The following RABL6 variants were observed in gnomAD, a reference collection of about 807,000 sequenced individuals.
RABL6 encodes the protein RAB, member RAS oncogene family like 6.
Under a neutral mutation model 72.9 loss-of-function variants are expected in RABL6, and 28 were observed. The ratio of observed to expected loss-of-function variants is 0.38; its 90% CI spans 0.28 to 0.53. RABL6 has a LOEUF of 0.53. RABL6 is among the 20% of genes least tolerant of loss of function. The pLI is 0.80. For missense variants in RABL6, 1,029 were observed against 1,008.4 expected, an observed-to-expected ratio of 1.02 and a Z score of -0.28; for synonymous variants, 477 against 421.2, an observed-to-expected ratio of 1.13 and a Z score of -1.62.
At chr9:136,839,891 C>T (rs968955484) in intron 13 of RABL6, 26 bp downstream of exon 13, 4 of 1,602,256 alleles carry the variant, frequency 2.5e-6, no homozygotes, top group Non-Finnish European at 3.4e-6. Flanking sequence ...AGAGTGCGGT[C>T]AGCCTGCTGG....
At chr9:136,821,565 G>A in intron 1 of RABL6, 4 of 985,444 alleles carry the variant, frequency 4.1e-6, no homozygotes, top group Non-Finnish European at 4.8e-6. Context: ...ATCTGGGGGG[G>A]ACGGCGGCCG....
intron 1 of RABL6, among the ~76,000 whole-genome samples, chr9:136,820,065 G>A (rs960920263): frequency 2.0e-5 from 3 of 152,038 alleles, no homozygotes; most frequent in Non-Finnish European, 4.4e-5. Flanking sequence ...TAGGCATGGC[G>A]GCTTGCGCCT....
chr9:136,818,279 C>T lies in RABL6; in HGVS notation c.131-5246C>T, dbSNP rs1588351061. Reference sequence around the variant, plus strand: ...TTAGGAGGCTGAGGCAGGAGAATGGCGTGAACCCAGGAGACGGAGCTTGCA... The same window carrying T: ...TTAGGAGGCTGAGGCAGGAGAATGGTGTGAACCCAGGAGACGGAGCTTGCA... On this transcript the variant is annotated intron_variant, in intron 1 of 14. Coordinates refer to ENST00000311502, the MANE Select transcript of RABL6 (RefSeq NM_024718.5). 2.9e-5 allele frequency among the ~76,000 whole-genome samples: 4 copies of T among 140,018 alleles called. No homozygotes were observed. The South Asian group carries it at 7.2e-4, about 25-fold the overall frequency. 91.9% of individuals were successfully genotyped at this position (140,018 alleles called of 152,430 possible).
chr9:136,824,181 G>C lies in RABL6; in HGVS notation c.265+522G>C, dbSNP rs373723805. On this transcript the variant is annotated intron_variant, in intron 2 of 14. Coordinates refer to ENST00000311502, the MANE Select transcript of RABL6 (RefSeq NM_024718.5). ...GGGTGGGCTGGGCCTGGGTAGATGC[G>C]GGAAGGTGGGGGAGGTGACAGCTGT... is the stretch of plus-strand genomic sequence containing the variant. Among the ~76,000 whole-genome samples the C allele has an allele frequency of 4.6e-5, 7 of 152,140 alleles. No individual in the cohort carries two copies. In the East Asian group the frequency reaches 1.3e-3, roughly 29 times the overall value.
rs1439938315 is a variant in RABL6 at position 136,825,772 on chromosome 9, G to GT, written c.266-4dup. 1.2e-6 allele frequency: 2 copies of GT among 1,613,510 alleles called. No individual in the cohort carries two copies. The highest frequency in any genetic ancestry group is 3.3e-5 in the Admixed American group (2 of 60,030). On this transcript the variant is annotated splice_polypyrimidine_tract_variant and splice_region_variant and intron_variant, in intron 2 of 14. Coordinates refer to ENST00000311502, the MANE Select transcript of RABL6 (RefSeq NM_024718.5). The stretch of plus-strand genomic sequence containing the variant: ...GGGCACTAATTTTAGGATTCTCCCT[G>GT]TTTCAGCCACGGATGACATCGTGAA...
chr9:136,837,170 T>C (rs1193543675), intron 8 of RABL6, 176 bp from the exon 9 acceptor site: 1 of 777,736 alleles, frequency 1.3e-6, no homozygotes, highest in African/African-American at 1.7e-5. Context: ...CCACCGTGCC[T>C]GGCTGGCACT....
chr9:136,832,586 C>G, intron 7 of RABL6: 1 of 626,008 alleles, frequency 1.6e-6, no homozygotes, highest in South Asian at 1.8e-5. Context: ...CCCAGGAGCC[C>G]CTCCACCTCT....
chr9:136,839,017 C>T lies in RABL6; in HGVS notation c.1389C>T (p.Pro463=), dbSNP rs1031640913. Residue 463 remains proline, a synonymous_variant, in exon 11 of 15, where the codon CCC becomes CCT. Coordinates refer to ENST00000311502, the MANE Select transcript of RABL6 (RefSeq NM_024718.5). ...GSPPLPAGPV[P]SQDITLSSEE... ...CCCCGCTGCCTGCAGGCCCCGTCCC[C>T]AGTCAAGACATCACTCTTTCGAGTG... The T allele has an allele frequency of 6.2e-7, 1 of 1,612,458 alleles. No individual in the cohort carries two copies. Among genetic ancestry groups the T allele is most frequent in the Non-Finnish European group, 8.5e-7 (1 of 1,179,744 alleles).
At chr9:136,813,762 C>T (rs1298974942) in intron 1 of RABL6, 3 of 197,110 alleles carry the variant, frequency 1.5e-5, no homozygotes, top group South Asian at 1.6e-4. Flanking sequence ...ACTACAGGCA[C>T]CCGTCACCAC....
In RABL6 at chr9:136,840,903, C is replaced by T. The variant is rs2131210801; in HGVS notation, c.*381C>T. 3 of 1,502,168 alleles carry T rather than the reference C, an allele frequency of 2.0e-6. No individual in the cohort carries two copies. The highest frequency in any genetic ancestry group is 5.0e-5 in the East Asian group (2 of 40,264). The allele number at this position is 1,502,168 out of a possible 1,614,324, so 93.1% of individuals were successfully genotyped here. A position where few individuals can be genotyped will look rare whatever the true frequency, so the allele number is the denominator to read the frequency against. ...GGGGTGTGCGCTGCCCCGGCACCTG[C>T]TTGCCCTCCGCGCTCATCTGGGGCC... On this transcript the variant is annotated 3_prime_UTR_variant, in exon 15 of 15. Coordinates refer to ENST00000311502, the MANE Select transcript of RABL6 (RefSeq NM_024718.5).
chr9:136,813,686 GCT>G (rs1355110197), intron 1 of RABL6: 1 of 214,416 alleles, frequency 4.7e-6, no homozygotes. Context: ...CGTGATCTCA[GCT>G]CACTGCAAGC....
intron 1 of RABL6, among the ~76,000 whole-genome samples, chr9:136,811,735 G>A (rs772081420): frequency 6.6e-6 from 1 of 151,942 alleles, no homozygotes; most frequent in Non-Finnish European, 1.5e-5. Context: ...CAAGCAGTCC[G>A]AACCCCTTGG....
In RABL6 at chr9:136,840,948, G is replaced by C. The variant is rs527314270; in HGVS notation, c.*426G>C. 4.1e-6 allele frequency: 6 copies of C among 1,460,054 alleles called. No individual in the cohort carries two copies. The highest frequency in any genetic ancestry group is 5.4e-6 in the Non-Finnish European group (6 of 1,101,868). 90.4% of individuals were successfully genotyped at this position (1,460,054 alleles called of 1,614,324 possible). A position where few individuals can be genotyped will look rare whatever the true frequency, so the allele number is the denominator to read the frequency against. Reference sequence around the variant, plus strand: ...GGGGCCGCAGCATGCCTATGGTTCCGCTTCCGGCCGGGAGCCCTGAACACG... The same window carrying C: ...GGGGCCGCAGCATGCCTATGGTTCCCCTTCCGGCCGGGAGCCCTGAACACG... On this transcript the variant is annotated 3_prime_UTR_variant, in exon 15 of 15. Transcript: ENST00000311502.
chr9:136,829,605 T>C (rs1198579493), intron 5 of RABL6, 121 bp downstream of exon 5: 1 of 920,988 alleles, frequency 1.1e-6, no homozygotes, highest in Non-Finnish European at 1.7e-6. Context: ...GAGGGACTCT[T>C]GCTGGGCAGC....
intron 7 of RABL6, chr9:136,833,765 G>A: frequency 1.7e-5 from 26 of 1,550,532 alleles, no homozygotes; most frequent in Non-Finnish European, 2.2e-5. Flanking sequence ...TGTCGTCCTG[G>A]TGTCAGAAGA....
chr9:136,836,067 T>C, intron 8 of RABL6: 1 of 490,330 alleles, frequency 2.0e-6, no homozygotes. Flanking sequence ...GGTCATGCTG[T>C]GCCTGCCACT....
chr9:136,809,037 C>T (rs982441229), intron 1 of RABL6: 8 of 152,210 alleles, frequency 5.3e-5, no homozygotes, highest in African/African-American at 1.2e-4. Flanking sequence ...GTTTTTCCAT[C>T]TTGCGGGCTC....
Position 136,841,092 on chromosome 9 carries a change from G to A in RABL6, c.*570G>A, listed in dbSNP as rs1350717179. 1 of 1,377,304 alleles carries A rather than the reference G, an allele frequency of 7.3e-7. No homozygotes were observed. Among genetic ancestry groups the A allele is most frequent in the Non-Finnish European group, 9.4e-7 (1 of 1,060,446 alleles). The allele number at this position is 1,377,304 out of a possible 1,614,324, so 85.3% of individuals were successfully genotyped here. On this transcript the variant is annotated 3_prime_UTR_variant, in exon 15 of 15. Transcript: ENST00000311502. ...GGTTGTGTTTCCCACAGTGGCCTCA[G>A]CTGCGCCCCCGCTCAGGTGAGCCCG...
chr9:136,832,213 G>T (rs768618680), intron 6 of RABL6, 52 bp from the exon 7 acceptor site: 1 of 1,525,612 alleles, frequency 6.6e-7, no homozygotes, highest in Non-Finnish European at 9.1e-7. Context: ...GGTGATCCTT[G>T]GCACCAGGGC....
Sources: allele counts gnomAD v4.1 joint callset (sites outside exome capture counted in the v4.1 genomes callset), GRCh38; gene constraint gnomAD v4.1.1; transcripts MANE v1.5; gene names NCBI Gene and HGNC (gene_info 2026-07-23, HGNC 2026-07-21).